Variants in PKN2 observed in about 807,000 individuals in gnomAD.
PKN2 encodes the protein protein kinase N2.
In PKN2, 38 loss-of-function variants were observed where a neutral mutation model predicts 119.1. The observed-to-expected ratio is 0.32, with a 90% CI of 0.25 to 0.42. PKN2 has a LOEUF of 0.42. PKN2 is among the 10% of genes least tolerant of loss of function. The pLI, the probability that PKN2 is intolerant of heterozygous loss-of-function variation, is 1.00. For synonymous variants in PKN2, 390 were observed against 384.9 expected, an observed-to-expected ratio of 1.01 and a Z score of -0.15; for missense variants, 850 against 1,165.1, an observed-to-expected ratio of 0.73 and a Z score of 3.94.
chr1:88,814,684 C>T (rs1039498592), intron 16 of PKN2, among the ~76,000 whole-genome samples: 2 of 152,136 alleles, frequency 1.3e-5, no homozygotes, highest in Non-Finnish European at 2.9e-5. Context: ...ATACCAGGTT[C>T]AAGCCAGAAC....
chr1:88,691,546 CCTAT>C (rs908574220), intron 1 of PKN2, among the ~76,000 whole-genome samples: 7 of 152,258 alleles, frequency 4.6e-5, no homozygotes, highest in South Asian at 2.1e-4. Context: ...GGATTAATCA[CCTAT>C]CTGTCTGTCA....
intron 1 of PKN2, among the ~76,000 whole-genome samples, chr1:88,699,090 TTCTC>T (rs1002957506): frequency 1.3e-5 from 2 of 152,106 alleles, no homozygotes; most frequent in Admixed American, 6.5e-5. Flanking sequence ...TCTTTCCTGT[TTCTC>T]TCTTTCTTTT....
chr1:88,821,261 A>G (rs1672279103), intron 16 of PKN2, among the ~76,000 whole-genome samples: 1 of 152,142 alleles, frequency 6.6e-6, no homozygotes, highest in South Asian at 2.1e-4. Flanking sequence ...ACTACAGTGG[A>G]TGTTCTCATG....
chr1:88,711,133 G>A (rs1378581422), intron 1 of PKN2, among the ~76,000 whole-genome samples: 3 of 152,124 alleles, frequency 2.0e-5, no homozygotes, highest in African/African-American at 7.2e-5. Context: ...AGACACTGGA[G>A]CCTTTTGGAG....
chr1:88,771,273 C>T (rs1197837587), intron 4 of PKN2, 148 bp from the exon 5 acceptor site: 5 of 504,212 alleles, frequency 9.9e-6, no homozygotes, highest in Non-Finnish European at 1.7e-5. Context: ...ATTTCAATAT[C>T]ATATCAAATA....
chr1:88,811,165 T>A (rs981424972), intron 15 of PKN2, among the ~76,000 whole-genome samples: 1 of 152,194 alleles, frequency 6.6e-6, no homozygotes, highest in Non-Finnish European at 1.5e-5. Context: ...AAGGATATTA[T>A]GTTTATGTTA....
At position 88,813,556 on chromosome 1, in the gene PKN2, G is replaced by A; in HGVS notation, c.2103-1G>A. On this transcript the variant is annotated splice_acceptor_variant, in intron 15 of 21. Coordinates refer to ENST00000370521, the MANE Select transcript of PKN2 (RefSeq NM_006256.4). LOFTEE classifies it high-confidence loss of function. The stretch of plus-strand genomic sequence containing the variant: ...TTATTTTAAAATATTTTCTTTTACA[G>A]CCTGATGTGTGAAAAAAGAATTTTT... 6.4e-7 allele frequency: 1 copy of A among 1,562,282 alleles called. No individual in the cohort carries two copies. Among genetic ancestry groups the A allele is most frequent in the Non-Finnish European group, 8.7e-7 (1 of 1,148,744 alleles).
intron 8 of PKN2, among the ~76,000 whole-genome samples, chr1:88,795,737 C>T (rs763549423): frequency 3.0e-4 from 45 of 152,214 alleles, no homozygotes; most frequent in Non-Finnish European, 5.3e-4. Context: ...TCTGAAGCCA[C>T]GGCTTTTGTT....
chr1:88,818,935 T>A (rs1293453752), intron 16 of PKN2, among the ~76,000 whole-genome samples: 2 of 151,822 alleles, frequency 1.3e-5, no homozygotes, highest in Non-Finnish European at 2.9e-5. Context: ...GGGGAAAGAA[T>A]TCCCTATTTA....
At chr1:88,691,585 C>T (rs1038308111) in intron 1 of PKN2, among the ~76,000 whole-genome samples, 3 of 152,170 alleles carry the variant, frequency 2.0e-5, no homozygotes, top group African/African-American at 7.2e-5. Context: ...TACTCATGGA[C>T]CACCACTCCC....
At chr1:88,690,824 T>G (rs1209078071) in intron 1 of PKN2, among the ~76,000 whole-genome samples, 1 of 152,092 alleles carries the variant, frequency 6.6e-6, no homozygotes, top group African/African-American at 2.4e-5. Context: ...ACCTTAAATG[T>G]GAAGGTAGTG....
At position 88,807,318 on chromosome 1, in the gene PKN2, A is replaced by C; in HGVS notation, c.1809A>C (p.Ser603=). The change falls in exon 13 of 22, where the codon TCA becomes TCC. Residue 603 remains serine (S), a synonymous_variant. Coordinates refer to ENST00000370521, the MANE Select transcript of PKN2 (RefSeq NM_006256.4). ...LRVLDIPGQD[S]ETVFDIQNDR... ...GTGTATTTAATATTTTACAGGATTC[A>C]GAGACTGTTTTTGATATTCAGAATG... 4 of 1,557,126 alleles carry C rather than the reference A, an allele frequency of 2.6e-6. No individual in the cohort carries two copies. The highest frequency in any genetic ancestry group is 3.5e-6 in the Non-Finnish European group (4 of 1,140,312).
chr1:88,695,947 A>G (rs925467528), intron 1 of PKN2, among the ~76,000 whole-genome samples: 2 of 152,180 alleles, frequency 1.3e-5, no homozygotes, highest in Non-Finnish European at 2.9e-5. Context: ...GCTTACTCAT[A>G]TATGACTTCT....
chr1:88,693,526 A>C (rs1043115365), intron 1 of PKN2, among the ~76,000 whole-genome samples: 10 of 152,136 alleles, frequency 6.6e-5, no homozygotes, highest in African/African-American at 2.2e-4. Context: ...TTTTCTCATC[A>C]GTGTTCTAAG....
At chr1:88,779,217 G>GT (rs71584928) in intron 6 of PKN2, among the ~76,000 whole-genome samples, 77,263 of 151,888 alleles carry the variant, frequency 0.51, 20,344 homozygotes, top group Middle Eastern at 0.7. Flanking sequence ...GCAAAGGTAA[G>GT]TGAAAACTCC....
intron 17 of PKN2, 39 bp from the exon 18 acceptor site, chr1:88,824,271 A>ATT: frequency 1.2e-4 from 108 of 879,640 alleles, no homozygotes; most frequent in Admixed American, 1.9e-4. Context: ...GATTTCTTTG[A>ATT]TTTTTTTTTT....
At chr1:88,699,274 A>G (rs1037285389) in intron 1 of PKN2, among the ~76,000 whole-genome samples, 2 of 152,066 alleles carry the variant, frequency 1.3e-5, no homozygotes, top group Admixed American at 6.6e-5. Context: ...CTTTCGGCTC[A>G]CTAACTTCAG....
intron 1 of PKN2, among the ~76,000 whole-genome samples, chr1:88,739,603 CT>C (rs1257324276): frequency 6.6e-6 from 1 of 152,152 alleles, no homozygotes; most frequent in Non-Finnish European, 1.5e-5. Flanking sequence ...GTGTCTTTTT[CT>C]TTTCCATGTC....
chr1:88,820,180 C>CCATATATATA (rs1491259052), intron 16 of PKN2, among the ~76,000 whole-genome samples: 1 of 70,740 alleles, frequency 1.4e-5, no homozygotes, highest in Non-Finnish European at 2.6e-5. Context: ...TTTCAGAAAC[C>CCATATATATA]TATATATATA....
Sources: gnomAD v4.1 joint callset for allele counts (sites outside exome capture counted in the v4.1 genomes callset) on GRCh38, gnomAD v4.1.1 for gene constraint, MANE v1.5 for transcripts, NCBI Gene and HGNC (gene_info 2026-07-23, HGNC 2026-07-21) for gene names.